EPHA3: variants seen among roughly 807,000 people sequenced by gnomAD.
The protein encoded by EPHA3 is EPH receptor A3.
A neutral mutation model predicts 107.1 loss-of-function variants in EPHA3; 42 were observed. That is an observed-to-expected ratio of 0.39 (90% CI 0.31 to 0.51). The LOEUF (loss-of-function observed/expected upper bound fraction) is 0.51. Among genes scored for constraint, EPHA3 ranks in the 20% least tolerant of loss-of-function variants. The pLI is 0.78. For missense variants in EPHA3, 1,183 were observed against 1,211.2 expected, an observed-to-expected ratio of 0.98 and a Z score of 0.35; for synonymous variants, 461 against 424.8, an observed-to-expected ratio of 1.09 and a Z score of -1.05.
intron 3 of EPHA3, among the ~76,000 whole-genome samples, chr3:89,249,704 GC>G (rs1705116820): frequency 6.6e-6 from 1 of 152,038 alleles, no homozygotes; most frequent in African/African-American, 2.4e-5. Flanking sequence ...CAAGCAATCT[GC>G]CTGCCTCAGC....
At chr3:89,301,397 G>C (rs539971745) in intron 3 of EPHA3, among the ~76,000 whole-genome samples, 6 of 152,118 alleles carry the variant, frequency 3.9e-5, no homozygotes, top group African/African-American at 1.4e-4. Context: ...ACTCCTAAAA[G>C]AGAGGGCATT....
At chr3:89,189,151 G>T (rs554167558) in intron 2 of EPHA3, among the ~76,000 whole-genome samples, 2 of 152,136 alleles carry the variant, frequency 1.3e-5, no homozygotes, top group Non-Finnish European at 2.9e-5. Flanking sequence ...GTATGAAGAG[G>T]ACTAAATGGG....
At chr3:89,250,980 G>A (rs1691847927) in intron 3 of EPHA3, among the ~76,000 whole-genome samples, 2 of 152,100 alleles carry the variant, frequency 1.3e-5, no homozygotes, top group Non-Finnish European at 1.5e-5. Flanking sequence ...AATTAGAAAG[G>A]ATTAACATCT....
chr3:89,132,577 C>G (rs1704229577), intron 2 of EPHA3, among the ~76,000 whole-genome samples: 1 of 152,000 alleles, frequency 6.6e-6, no homozygotes, highest in South Asian at 2.1e-4. Context: ...AGATGTAAGC[C>G]AATTAATCAA....
intron 5 of EPHA3, among the ~76,000 whole-genome samples, 163 bp from the exon 6 acceptor site, chr3:89,395,674 T>C (rs1372035707): frequency 6.6e-6 from 1 of 152,164 alleles, no homozygotes; most frequent in Non-Finnish European, 1.5e-5. Context: ...GCCAGATTAA[T>C]ATTCAAGAGC....
At chr3:89,239,050 T>C (rs1704834295) in intron 3 of EPHA3, among the ~76,000 whole-genome samples, 1 of 152,198 alleles carries the variant, frequency 6.6e-6, no homozygotes, top group Admixed American at 6.5e-5. Context: ...TGCTCAAGAA[T>C]ATGACGTAAG....
chr3:89,155,868 G>T (rs1045026234), intron 2 of EPHA3, among the ~76,000 whole-genome samples: 1 of 151,984 alleles, frequency 6.6e-6, no homozygotes, highest in Non-Finnish European at 1.5e-5. Context: ...GTAGTTGAAC[G>T]TTGGGAACCA....
rs1707367623 is a variant in EPHA3 at position 89,335,160 on chromosome 3, T to TCC, written c.815-5756_815-5755insCC. Among the ~76,000 whole-genome samples the TCC allele has an allele frequency of 2.6e-5, 4 of 152,312 alleles. No homozygotes were observed. The East Asian group carries it at 7.7e-4, about 29-fold the overall frequency. On this transcript the variant is annotated intron_variant, in intron 3 of 16. Transcript: ENST00000336596. Reference sequence around the variant, plus strand: ...TCAAAATACCATAAGCTGGTTAGTTTATAAACAATGGAAATTTATTTCTCC... The same window carrying TCC: ...TCAAAATACCATAAGCTGGTTAGTTTCCATAAACAATGGAAATTTATTTCTCC...
intron 3 of EPHA3, among the ~76,000 whole-genome samples, chr3:89,284,343 G>A (rs966233945): frequency 6.6e-6 from 1 of 152,022 alleles, no homozygotes; most frequent in Non-Finnish European, 1.5e-5. Flanking sequence ...AACCATTTCT[G>A]GTGATGAGAC....
At chr3:89,129,507 T>C (rs957885828) in intron 2 of EPHA3, among the ~76,000 whole-genome samples, 2 of 151,844 alleles carry the variant, frequency 1.3e-5, no homozygotes, top group Non-Finnish European at 2.9e-5. Flanking sequence ...TCTGTGGTGA[T>C]ATATAGTGTA....
chr3:89,348,045 A>G (rs1335021525), intron 5 of EPHA3, among the ~76,000 whole-genome samples: 7 of 150,284 alleles, frequency 4.7e-5, no homozygotes, highest in African/African-American at 7.3e-5. Context: ...TTTTGCATCA[A>G]TGTTCATCAA....
At chr3:89,329,232 C>T (rs1424650060) in intron 3 of EPHA3, among the ~76,000 whole-genome samples, 2 of 152,036 alleles carry the variant, frequency 1.3e-5, no homozygotes, top group Non-Finnish European at 2.9e-5. Flanking sequence ...TTAACACACA[C>T]AAACACAACA....
At chr3:89,370,422 C>T (rs1708275797) in intron 5 of EPHA3, among the ~76,000 whole-genome samples, 1 of 151,688 alleles carries the variant, frequency 6.6e-6, no homozygotes, top group Non-Finnish European at 1.5e-5. Context: ...AAACCAAACA[C>T]CGCATGTTCT....
intron 3 of EPHA3, among the ~76,000 whole-genome samples, chr3:89,297,764 G>A (rs1706392604): frequency 6.6e-6 from 1 of 152,114 alleles, no homozygotes; most frequent in African/African-American, 2.4e-5. Context: ...GCCAGGCATG[G>A]TGGCTCACGC....
intron 1 of EPHA3, among the ~76,000 whole-genome samples, chr3:89,123,308 A>G (rs1707431889): frequency 6.6e-6 from 1 of 151,974 alleles, no homozygotes; most frequent in African/African-American, 2.4e-5. Context: ...CATGCCAGCT[A>G]ATTTTTGTAT....
chr3:89,342,194 AC>A, intron 5 of EPHA3, 104 bp downstream of exon 5: 2 of 1,044,354 alleles, frequency 1.9e-6, no homozygotes, highest in Non-Finnish European at 2.7e-6. Context: ...ATTTTATAGA[AC>A]CCCAGGATTT....
chr3:89,288,949 T>C (rs1435788878), intron 3 of EPHA3, among the ~76,000 whole-genome samples: 2 of 152,168 alleles, frequency 1.3e-5, no homozygotes, highest in African/African-American at 4.8e-5. Flanking sequence ...CAAAATATCA[T>C]TTATGTATAC....
At chr3:89,195,491 C>G (rs533147184) in intron 2 of EPHA3, among the ~76,000 whole-genome samples, 4 of 152,212 alleles carry the variant, frequency 2.6e-5, no homozygotes, top group African/African-American at 9.6e-5. Flanking sequence ...CAGAAAGGCC[C>G]ATTACCTTGA....
At chr3:89,281,194 C>A (rs1274156428) in intron 3 of EPHA3, among the ~76,000 whole-genome samples, 2 of 151,938 alleles carry the variant, frequency 1.3e-5, no homozygotes, top group Non-Finnish European at 2.9e-5. Context: ...CGGCTAATTT[C>A]TTTTGTGTTT....
Sources: gnomAD v4.1 joint callset for allele counts (sites outside exome capture counted in the v4.1 genomes callset) on GRCh38, gnomAD v4.1.1 for gene constraint, MANE v1.5 for transcripts, NCBI Gene and HGNC (gene_info 2026-07-23, HGNC 2026-07-21) for gene names.